SUZ12: variants seen among roughly 807,000 people sequenced by gnomAD.
The protein encoded by SUZ12 is polycomb protein SUZ12.
SUZ12 carries 17 observed loss-of-function variants against 87.3 expected under a neutral mutation model. The ratio of observed to expected loss-of-function variants is 0.19; its 90% confidence interval spans 0.13 to 0.29. The LOEUF (loss-of-function observed/expected upper bound fraction) is 0.29. Ranked by LOEUF, SUZ12 falls within the 10% of genes least tolerant of loss-of-function variation. SUZ12 has a pLI of 1.00. For missense variants in SUZ12, 526 were observed against 912.2 expected (o/e 0.58, Z 5.45); for synonymous variants, 253 against 312.4 (o/e 0.81, Z 2.01).
At chr17:31,949,396 G>A (rs1906812260) in intron 4 of SUZ12, among the ~76,000 whole-genome samples, 1 of 152,086 alleles carries the variant, frequency 6.6e-6, no homozygotes, top group Non-Finnish European at 1.5e-5. Flanking sequence ...CAGTGAGTTG[G>A]CCATTTAAGC....
At chr17:31,991,156 C>T (rs1412180315) in intron 10 of SUZ12, among the ~76,000 whole-genome samples, 2 of 152,132 alleles carry the variant, frequency 1.3e-5, no homozygotes, top group Non-Finnish European at 2.9e-5. Context: ...GTAAGTTGTC[C>T]TCCTTGACCA....
At chr17:31,956,043 G>A (rs1247694292) in intron 4 of SUZ12, among the ~76,000 whole-genome samples, 1 of 151,922 alleles carries the variant, frequency 6.6e-6, no homozygotes, top group Non-Finnish European at 1.5e-5. Flanking sequence ...CTCCTGAGTA[G>A]CTAGGACTAT....
At chr17:31,964,704 C>T (rs1275118627) in intron 4 of SUZ12, among the ~76,000 whole-genome samples, 4 of 152,142 alleles carry the variant, frequency 2.6e-5, no homozygotes, top group Non-Finnish European at 5.9e-5. Flanking sequence ...GCACCCGGCC[C>T]ACACTGTAGT....
At position 31,970,021 on chromosome 17, in the gene SUZ12, G is replaced by A. The variant is rs569466089; in HGVS notation, c.506-3125G>A. 5.7e-4 allele frequency among the ~76,000 whole-genome samples: 87 copies of A among 152,044 alleles called. 1 individual carries two copies. Among genetic ancestry groups the A allele is most frequent in the Non-Finnish European group, 1.0e-3 (71 of 68,008 alleles). ...TCATTGCAGCCTCCCGGGCTCAAGCGATCCTCTCACCTCAGCCTCCCAAAG... is the reference window on the plus strand; with the variant it reads ...TCATTGCAGCCTCCCGGGCTCAAGCAATCCTCTCACCTCAGCCTCCCAAAG... On this transcript the variant is annotated intron_variant, in intron 5 of 15. Transcript: ENST00000322652.
Position 32,000,120 on chromosome 17 carries a change from A to G in SUZ12, c.*1117A>G, listed in dbSNP as rs1007210322. 44 of 233,212 alleles carry G rather than the reference A, an allele frequency of 1.9e-4. No homozygotes were observed. The highest frequency in any genetic ancestry group is 8.4e-4 in the African/African-American group (38 of 45,352). The allele number at this position is 233,212 out of a possible 1,614,324, so 14.4% of individuals were successfully genotyped here. On this transcript the variant is annotated 3_prime_UTR_variant, in exon 16 of 16. Transcript: ENST00000322652. ...ACTACTGGCACATTAACAAGCACCA[A>G]TAGGTTTTTATTCCAACTCCGAGCA...
At position 31,994,571 on chromosome 17, in the gene SUZ12, C is replaced by T; in HGVS notation, c.1445C>T (p.Pro482Leu). 6.3e-7 allele frequency: 1 copy of T among 1,598,874 alleles called. No individual in the cohort carries two copies. The highest frequency in any genetic ancestry group is 8.5e-7 in the Non-Finnish European group (1 of 1,173,334). ...SRFIFNYVYH[P>L]KGARIDVSIN... ...TTTACATTTTTGTTGCAGTATCATCCAAAAGGTGCTAGGATAGATGTTTCT... is the reference window on the plus strand; with the variant it reads ...TTTACATTTTTGTTGCAGTATCATCTAAAAGGTGCTAGGATAGATGTTTCT... Residue 482 changes from proline to leucine, a missense_variant, in exon 13 of 16, where the codon CCA becomes CTA. Pro to Leu is a moderately conservative substitution (Grantham distance 98, BLOSUM62 -3). Transcript: ENST00000322652.
In SUZ12 at chr17:31,995,468, T is replaced by G. The variant is rs375373802; in HGVS notation, c.1596-96T>G. ...TTTTATGGTTAGTTTTATAAAAGGG[T>G]GATGTTGCAGATTATCACAGATCTC... is the stretch of plus-strand genomic sequence containing the variant. On this transcript the variant is annotated intron_variant, in intron 13 of 15. Coordinates refer to ENST00000322652, the MANE Select transcript of SUZ12 (RefSeq NM_015355.4). The G allele has an allele frequency of 1.2e-4, 107 of 903,978 alleles. No homozygotes were observed. The African/African-American group carries it at 1.6e-3, about 14-fold the overall frequency. 56.0% of individuals were successfully genotyped at this position (903,978 alleles called of 1,614,324 possible).
Position 31,937,236 on chromosome 17 carries a change from C to G in SUZ12, c.-11C>G. On this transcript the variant is annotated 5_prime_UTR_variant, in exon 1 of 16. Coordinates refer to ENST00000322652, the MANE Select transcript of SUZ12 (RefSeq NM_015355.4). ...GCGGGTAGCTGGCGGGGGGAGGAGG[C>G]AGGAACCGCGATGGCGCCTCAGAAG... is the stretch of plus-strand genomic sequence containing the variant. 1 of 1,401,178 alleles carries G rather than the reference C, an allele frequency of 7.1e-7. No individual in the cohort carries two copies. Among genetic ancestry groups the G allele is most frequent in the Non-Finnish European group, 9.2e-7 (1 of 1,088,718 alleles). 86.8% of individuals were successfully genotyped at this position (1,401,178 alleles called of 1,614,324 possible).
intron 1 of SUZ12, among the ~76,000 whole-genome samples, chr17:31,938,064 A>G (rs1906045215): frequency 6.6e-6 from 1 of 151,774 alleles, no homozygotes; most frequent in African/African-American, 2.4e-5. Flanking sequence ...CATTTTGTGG[A>G]TATGTAAACT....
chr17:31,960,413 G>A (rs1303094359), intron 4 of SUZ12, among the ~76,000 whole-genome samples: 1 of 151,928 alleles, frequency 6.6e-6, no homozygotes, highest in African/African-American at 2.4e-5. Flanking sequence ...GTTTCACCAC[G>A]TTGGTCAGGC....
At chr17:31,978,845 C>T (rs994378563) in intron 8 of SUZ12, among the ~76,000 whole-genome samples, 86 of 152,168 alleles carry the variant, frequency 5.7e-4, no homozygotes, top group African/African-American at 1.7e-3. Context: ...TGGTGGCTCA[C>T]GCCTGTAATC....
intron 9 of SUZ12, among the ~76,000 whole-genome samples, chr17:31,986,234 G>T (rs973917598): frequency 6.6e-6 from 1 of 152,170 alleles, no homozygotes; most frequent in African/African-American, 2.4e-5. Context: ...GAGCTACTGT[G>T]CCCGGCCTAT....
intron 4 of SUZ12, among the ~76,000 whole-genome samples, chr17:31,959,125 T>G (rs1048039459): frequency 1.5e-4 from 23 of 152,210 alleles, no homozygotes; most frequent in African/African-American, 5.3e-4. Flanking sequence ...TTAATACACT[T>G]TGCCTTGACT....
At position 31,995,842 on chromosome 17, in the gene SUZ12, T is replaced by A. The variant is rs532592567; in HGVS notation, c.1794+80T>A. On this transcript the variant is annotated intron_variant, in intron 14 of 15. Transcript: ENST00000322652. ...AATTGCTTACTATGAACTAGACTTT[T>A]ATTGTAAAGGAACTTTTTTTAAAAA... 1.3e-4 allele frequency: 137 copies of A among 1,032,612 alleles called. 2 individuals carry two copies. The South Asian group carries it at 2.2e-3, about 17-fold the overall frequency. 64.0% of individuals were successfully genotyped at this position (1,032,612 alleles called of 1,614,324 possible).
chr17:31,948,133 C>G (rs1906742077), intron 4 of SUZ12, among the ~76,000 whole-genome samples: 1 of 152,164 alleles, frequency 6.6e-6, no homozygotes, highest in Non-Finnish European at 1.5e-5. Flanking sequence ...TTAAATCTAT[C>G]AGGCAACATA....
At chr17:31,953,109 A>G (rs151127849) in intron 4 of SUZ12, among the ~76,000 whole-genome samples, 211 of 152,126 alleles carry the variant, frequency 1.4e-3, no homozygotes, top group African/African-American at 4.6e-3. Context: ...TTTCAAGCAT[A>G]TATTTTTATT....
At chr17:31,966,653 A>G (rs1158389203) in intron 5 of SUZ12, 4 of 154,140 alleles carry the variant, frequency 2.6e-5, no homozygotes, top group Non-Finnish European at 5.8e-5. Flanking sequence ...GATTTTAACA[A>G]ATTGTCTTAG....
rs570562550 is a variant in SUZ12 at position 31,975,263 on chromosome 17, T to C, written c.592-219T>C. 7.2e-5 allele frequency among the ~76,000 whole-genome samples: 11 copies of C among 152,328 alleles called. No homozygotes were observed. In the East Asian group the frequency reaches 1.9e-3, roughly 27 times the overall value. ...GGTATACTGTATCATAATTTCATTATGTTGGAGAAAACCTCAATTGCTTTA... is the reference window on the plus strand; with the variant it reads ...GGTATACTGTATCATAATTTCATTACGTTGGAGAAAACCTCAATTGCTTTA... On this transcript the variant is annotated intron_variant, in intron 6 of 15. Coordinates refer to ENST00000322652, the MANE Select transcript of SUZ12 (RefSeq NM_015355.4).
In SUZ12 at chr17:31,937,223, C is replaced by CG. The variant is rs1336853189; in HGVS notation, c.-18dup. 5.1e-5 allele frequency: 71 copies of CG among 1,397,074 alleles called. No individual in the cohort carries two copies. In the East Asian group the frequency reaches 2.0e-3, roughly 39 times the overall value. 86.5% of individuals were successfully genotyped at this position (1,397,074 alleles called of 1,614,324 possible). A position where few individuals can be genotyped will look rare whatever the true frequency, so the allele number is the denominator to read the frequency against. On this transcript the variant is annotated 5_prime_UTR_variant, in exon 1 of 16. Coordinates refer to ENST00000322652, the MANE Select transcript of SUZ12 (RefSeq NM_015355.4). ...CCGGGGCCGCCCGGCGGGTAGCTGG[C>CG]GGGGGGAGGAGGCAGGAACCGCGAT...
Sources: gnomAD v4.1 joint callset for allele counts (sites outside exome capture counted in the v4.1 genomes callset) on GRCh38, gnomAD v4.1.1 for gene constraint, MANE v1.5 for transcripts, NCBI Gene and HGNC (gene_info 2026-07-23, HGNC 2026-07-21) for gene names.